Variants in SH3BGRL observed in about 807,000 individuals in gnomAD.
SH3BGRL encodes the protein adapter SH3BGRL.
A neutral mutation model predicts 9.8 loss-of-function variants in SH3BGRL; 7 were observed. That is an observed-to-expected ratio of 0.72 (90% CI 0.41 to 1.35). SH3BGRL has a LOEUF of 1.35. SH3BGRL is among the 40% of genes most tolerant of loss of function. The pLI, the probability that SH3BGRL is intolerant of heterozygous loss-of-function variation, is 0.01. For missense variants in SH3BGRL, 73 were observed against 84.4 expected, an observed-to-expected ratio of 0.86 and a Z score of 0.53; for synonymous variants, 36 against 29.1, an observed-to-expected ratio of 1.24 and a Z score of -0.76.
In SH3BGRL at chrX:81,250,818, A is replaced by G. The variant is rs763888869; in HGVS notation, c.46-26166A>G. Among the ~76,000 whole-genome samples the G allele has an allele frequency of 1.4e-3, 153 of 112,091 alleles. 1 individual carries two copies. Among genetic ancestry groups the G allele is most frequent in the Non-Finnish European group, 1.4e-3 (73 of 53,239 alleles). On this transcript the variant is annotated intron_variant, in intron 1 of 3. Coordinates refer to ENST00000373212, the MANE Select transcript of SH3BGRL (RefSeq NM_003022.3). Reference sequence around the variant, plus strand: ...CGTTTTCCTTCAATTGTACTGGTAGATAATAGGCACTAGGCAGTCATTGAA... The same window carrying G: ...CGTTTTCCTTCAATTGTACTGGTAGGTAATAGGCACTAGGCAGTCATTGAA...
chrX:81,249,036 C>A (rs112856450), intron 1 of SH3BGRL, among the ~76,000 whole-genome samples: 2 of 111,936 alleles, frequency 1.8e-5, no homozygotes, highest in Non-Finnish European at 3.8e-5. Context: ...AATTAAAGCT[C>A]ACAGAGTTTA....
chrX:81,274,792 T>G (rs990568428), intron 1 of SH3BGRL, among the ~76,000 whole-genome samples: 1 of 110,673 alleles, frequency 9.0e-6, no homozygotes, highest in African/African-American at 3.3e-5. Flanking sequence ...GACTTGAAAA[T>G]TTGATCAAGT....
chrX:81,271,209 G>A (rs1222338159), intron 1 of SH3BGRL, among the ~76,000 whole-genome samples: 1 of 112,056 alleles, frequency 8.9e-6, no homozygotes, highest in Non-Finnish European at 1.9e-5. Flanking sequence ...CTTCCCCAGT[G>A]AGGCAACACC....
chrX:81,229,238 C>A (rs1444631320), intron 1 of SH3BGRL, among the ~76,000 whole-genome samples: 1 of 111,016 alleles, frequency 9.0e-6, no homozygotes, highest in Non-Finnish European at 1.9e-5. Flanking sequence ...CTGGGGGGAG[C>A]ATGCATATGG....
chrX:81,266,897 A>T (rs2147704552), intron 1 of SH3BGRL, among the ~76,000 whole-genome samples: 1 of 111,428 alleles, frequency 9.0e-6, no homozygotes, highest in East Asian at 2.8e-4. Flanking sequence ...AGTGGTTTGT[A>T]TATTTACTTG....
rs148801048 is a variant in SH3BGRL at position 81,209,741 on chromosome X, G to A, written c.45+7496G>A. Reference sequence around the variant, plus strand: ...GTGTTCTCATTCATAACCCGTACTCGAGAGTGAGATGAGAGTTGGCACTGG... The same window carrying A: ...GTGTTCTCATTCATAACCCGTACTCAAGAGTGAGATGAGAGTTGGCACTGG... On this transcript the variant is annotated intron_variant, in intron 1 of 3. Transcript: ENST00000373212. 9.5e-4 allele frequency among the ~76,000 whole-genome samples: 106 copies of A among 112,153 alleles called. 1 individual carries two copies. In the East Asian group the frequency reaches 0.023, roughly 24 times the overall value.
intron 1 of SH3BGRL, among the ~76,000 whole-genome samples, chrX:81,226,853 G>C (rs1472286696): frequency 9.0e-6 from 1 of 110,605 alleles, no homozygotes; most frequent in Non-Finnish European, 1.9e-5. Context: ...GAAGGAAAGA[G>C]TTTTACCACC....
chrX:81,277,089 G>C lies in SH3BGRL; in HGVS notation c.151G>C (p.Glu51Gln). Residue 51 changes from glutamate to glutamine, a missense_variant, in exon 2 of 4, where the codon GAA becomes CAA. Physicochemically the swap from Glu to Gln is conservative, Grantham distance 29. Transcript: ENST00000373212. ...TGAAGAGAATCGGAAGTGGATGAGA[G>C]AAAATGTACCTGAAAATAGTCGACC... ...ANEENRKWMR[E>Q]NVPENSRPAT... is the part of the protein sequence containing the mutation. 8.3e-7 allele frequency: 1 copy of C among 1,207,840 alleles called. No individual in the cohort carries two copies.
intron 1 of SH3BGRL, among the ~76,000 whole-genome samples, chrX:81,224,914 G>A (rs1436271105): frequency 9.1e-6 from 1 of 109,585 alleles, no homozygotes; most frequent in Non-Finnish European, 1.9e-5. Flanking sequence ...GAGAAACCAC[G>A]AAGGAGGCGC....
intron 1 of SH3BGRL, among the ~76,000 whole-genome samples, chrX:81,240,582 G>T (rs1341110277): frequency 3.6e-5 from 4 of 112,136 alleles, no homozygotes; most frequent in Non-Finnish European, 7.5e-5. Flanking sequence ...TTCATGGATT[G>T]GAAGAATCAA....
intron 1 of SH3BGRL, among the ~76,000 whole-genome samples, chrX:81,213,448 G>T (rs1410793798): frequency 1.8e-5 from 2 of 112,372 alleles, no homozygotes; most frequent in Non-Finnish European, 3.8e-5. Context: ...TAAAAAGATA[G>T]ATGGCATGTT....
intron 3 of SH3BGRL, among the ~76,000 whole-genome samples, chrX:81,284,037 G>A (rs767746694): frequency 9.2e-6 from 1 of 109,048 alleles, no homozygotes; most frequent in East Asian, 2.9e-4. Context: ...ACCAAGTGGA[G>A]AATCAAATCA....
chrX:81,297,461 A>G lies in SH3BGRL; in HGVS notation c.*234A>G. ...AATTATATTAATAAGTAGATATCGT[A>G]GAAATAGTGTTGTTACCTGCCAAGC... On this transcript the variant is annotated 3_prime_UTR_variant, in exon 4 of 4. Coordinates refer to ENST00000373212, the MANE Select transcript of SH3BGRL (RefSeq NM_003022.3). The G allele has an allele frequency of 3.3e-6, 1 of 307,017 alleles. No individual in the cohort carries two copies. 25.3% of individuals were successfully genotyped at this position (307,017 alleles called of 1,213,427 possible).
At chrX:81,219,636 A>G (rs1392927245) in intron 1 of SH3BGRL, among the ~76,000 whole-genome samples, 4 of 111,698 alleles carry the variant, frequency 3.6e-5, no homozygotes, top group African/African-American at 9.7e-5. Flanking sequence ...TGATTGCTCT[A>G]GCTAGGGCTT....
chrX:81,242,172 G>C (rs1047743647), intron 1 of SH3BGRL, among the ~76,000 whole-genome samples: 2 of 112,121 alleles, frequency 1.8e-5, no homozygotes, highest in African/African-American at 3.2e-5. Flanking sequence ...TTATACTACA[G>C]AGCTATAATA....
At chrX:81,266,639 T>A (rs2075758052) in intron 1 of SH3BGRL, among the ~76,000 whole-genome samples, 1 of 111,888 alleles carries the variant, frequency 8.9e-6, no homozygotes, top group East Asian at 2.8e-4. Flanking sequence ...TCAGATAGTG[T>A]GATGCCTTCA....
intron 1 of SH3BGRL, among the ~76,000 whole-genome samples, chrX:81,261,937 G>T (rs1240772816): frequency 9.0e-6 from 1 of 111,549 alleles, no homozygotes; most frequent in Non-Finnish European, 1.9e-5. Flanking sequence ...CAATTTTGGA[G>T]AACCCATCAA....
chrX:81,209,002 G>GTTT (rs11322797), intron 1 of SH3BGRL, among the ~76,000 whole-genome samples: 711 of 54,589 alleles, frequency 0.013, 16 homozygotes, highest in African/African-American at 0.044. Flanking sequence ...GCATAACTAA[G>GTTT]TTTTTTTTTT....
At chrX:81,250,596 T>A (rs778985765) in intron 1 of SH3BGRL, among the ~76,000 whole-genome samples, 1 of 111,751 alleles carries the variant, frequency 8.9e-6, no homozygotes, top group Non-Finnish European at 1.9e-5. Context: ...GATGAAATTA[T>A]GCCTTCATTG....
Sources: gnomAD v4.1 joint callset for allele counts (sites outside exome capture counted in the v4.1 genomes callset) on GRCh38, gnomAD v4.1.1 for gene constraint, MANE v1.5 for transcripts, NCBI Gene and HGNC (gene_info 2026-07-23, HGNC 2026-07-21) for gene names.